The following EPHA3 variants were observed in gnomAD, a reference collection of about 807,000 sequenced individuals.
The protein encoded by EPHA3 is ephrin type-A receptor 3.
In EPHA3, 42 loss-of-function variants were observed where a neutral mutation model predicts 107.1. The ratio of observed to expected loss-of-function variants is 0.39; its 90% CI spans 0.31 to 0.51. EPHA3 has a LOEUF of 0.51. EPHA3 is among the 20% of genes least tolerant of loss of function. The pLI is 0.78. For missense variants in EPHA3, 1,183 were observed against 1,211.2 expected (o/e 0.98, Z 0.35); for synonymous variants, 461 against 424.8 (o/e 1.09, Z -1.05).
intron 3 of EPHA3, among the ~76,000 whole-genome samples, chr3:89,279,305 C>T (rs774628763): frequency 5.9e-5 from 9 of 152,042 alleles, no homozygotes; most frequent in Non-Finnish European, 1.2e-4. Context: ...TTGACACACT[C>T]TGTTTACCAT....
At position 89,127,216 on chromosome 3, in the gene EPHA3, A is replaced by G; in HGVS notation, c.96A>G (p.Leu32=). The change falls in exon 2 of 17, where the codon CTA becomes CTG. Residue 32 remains leucine, a synonymous_variant. Coordinates refer to ENST00000336596, the MANE Select transcript of EPHA3 (RefSeq NM_005233.6). The part of the protein sequence containing the change: ...LIPQPSNEVN[L]LDSKTIQGEL... Reference sequence around the variant, plus strand: ...TATTATGTTTTATTTTAGTCAATCTACTGGATTCAAAAACAATTCAAGGGG... The same window carrying G: ...TATTATGTTTTATTTTAGTCAATCTGCTGGATTCAAAAACAATTCAAGGGG... The G allele has an allele frequency of 6.2e-7, 1 of 1,611,624 alleles. No individual in the cohort carries two copies. Among genetic ancestry groups the G allele is most frequent in the Non-Finnish European group, 8.5e-7 (1 of 1,178,038 alleles).
chr3:89,236,775 AT>A lies in EPHA3; in HGVS notation c.814+26262del, dbSNP rs930101926. Among the ~76,000 whole-genome samples the A allele has an allele frequency of 1.5e-3, 229 of 152,312 alleles. 1 individual carries two copies. Among genetic ancestry groups the A allele is most frequent in the Non-Finnish European group, 1.1e-3 (74 of 68,022 alleles). On this transcript the variant is annotated intron_variant, in intron 3 of 16. Coordinates refer to ENST00000336596, the MANE Select transcript of EPHA3 (RefSeq NM_005233.6). ...CCTTAAATTCACATCTATAATAGTA[AT>A]TTTTTTAAATAAAATTAAAGAAAGC...
At position 89,181,716 on chromosome 3, in the gene EPHA3, T is replaced by A. The variant is rs190326058; in HGVS notation, c.154-28144T>A. 1.1e-3 allele frequency among the ~76,000 whole-genome samples: 165 copies of A among 152,080 alleles called. 2 individuals carry two copies. Among genetic ancestry groups the A allele is most frequent in the Non-Finnish European group, 1.8e-3 (121 of 67,882 alleles). ...GGGTATAGGGTATTTTTGAAATACC[T>A]TGTTCAAAAACTAACAACTTTAAGA... is the stretch of plus-strand genomic sequence containing the variant. On this transcript the variant is annotated intron_variant, in intron 2 of 16. Transcript: ENST00000336596.
At chr3:89,328,381 T>A (rs1358742955) in intron 3 of EPHA3, among the ~76,000 whole-genome samples, 1 of 152,198 alleles carries the variant, frequency 6.6e-6, no homozygotes, top group Non-Finnish European at 1.5e-5. Context: ...TAATAAAGTT[T>A]CTTTGCATCA....
intron 11 of EPHA3, among the ~76,000 whole-genome samples, chr3:89,420,163 G>A (rs1465184921): frequency 6.6e-6 from 1 of 151,446 alleles, no homozygotes; most frequent in Non-Finnish European, 1.5e-5. Context: ...AGTGAAATTG[G>A]CAGCAAACTT....
At chr3:89,308,026 C>T (rs375596441) in intron 3 of EPHA3, among the ~76,000 whole-genome samples, 12 of 152,174 alleles carry the variant, frequency 7.9e-5, no homozygotes, top group South Asian at 4.1e-4. Context: ...AATCATTAAA[C>T]GCATAGTGAT....
intron 3 of EPHA3, among the ~76,000 whole-genome samples, chr3:89,317,263 CTAGGTTTAT>C (rs2107372543): frequency 6.6e-6 from 1 of 151,846 alleles, no homozygotes; most frequent in Admixed American, 6.6e-5. Context: ...GATAAACTCA[CTAGGTTTAT>C]CAGCTAGCAG....
chr3:89,160,811 G>C (rs1576193982), intron 2 of EPHA3, among the ~76,000 whole-genome samples: 1 of 152,086 alleles, frequency 6.6e-6, no homozygotes, highest in South Asian at 2.1e-4. Context: ...AGCTTACAAA[G>C]TTGCTACTGT....
At chr3:89,420,772 G>A (rs1291819447) in intron 11 of EPHA3, among the ~76,000 whole-genome samples, 1 of 151,252 alleles carries the variant, frequency 6.6e-6, no homozygotes, top group Non-Finnish European at 1.5e-5. Context: ...TCAAGTGGTG[G>A]TTGCCTTTTA....
intron 2 of EPHA3, among the ~76,000 whole-genome samples, chr3:89,133,747 G>A (rs1704253749): frequency 6.6e-6 from 1 of 152,112 alleles, no homozygotes; most frequent in Admixed American, 6.5e-5. Flanking sequence ...AGTTTTCGAT[G>A]CCTCTCATCA....
intron 15 of EPHA3, among the ~76,000 whole-genome samples, chr3:89,468,297 A>G (rs1710330185): frequency 6.6e-6 from 1 of 152,034 alleles, no homozygotes; most frequent in Non-Finnish European, 1.5e-5. Context: ...AGTCATAAAC[A>G]GACAAACTCA....
chr3:89,467,647 A>G (rs1710312967), intron 15 of EPHA3, among the ~76,000 whole-genome samples: 1 of 152,048 alleles, frequency 6.6e-6, no homozygotes, highest in African/African-American at 2.4e-5. Context: ...GCACCTATTT[A>G]CAGCTAAAAT....
intron 3 of EPHA3, among the ~76,000 whole-genome samples, chr3:89,280,789 C>A (rs1705926536): frequency 1.3e-5 from 2 of 152,026 alleles, no homozygotes; most frequent in African/African-American, 4.8e-5. Flanking sequence ...CTATATCTTG[C>A]TATCTATGAG....
intron 3 of EPHA3, among the ~76,000 whole-genome samples, chr3:89,224,741 C>T (rs746065743): frequency 2.6e-5 from 4 of 151,760 alleles, no homozygotes; most frequent in Non-Finnish European, 4.4e-5. Context: ...CCCAGCTACT[C>T]GGGAGGCTGA....
chr3:89,378,452 G>C (rs1367394363), intron 5 of EPHA3, among the ~76,000 whole-genome samples: 1 of 151,920 alleles, frequency 6.6e-6, no homozygotes, highest in Non-Finnish European at 1.5e-5. Context: ...TATTTTTCGT[G>C]TCAATTCTAA....
rs60237041 is a variant in EPHA3 at position 89,476,585 on chromosome 3, T to TTTTATTTATTTA, written c.2847-2791_2847-2780dup. ...ATTTACTTTCCATGACTATTATTAT[T>TTTTATTTATTTA]TTTATTTATTTATTTATTTATTTAT... On this transcript the variant is annotated intron_variant, in intron 16 of 16. Transcript: ENST00000336596. Among the ~76,000 whole-genome samples, 487 of 129,068 alleles carry TTTTATTTATTTA rather than the reference T, an allele frequency of 3.8e-3. 2 individuals carry two copies. The highest frequency in any genetic ancestry group is 0.013 in the African/African-American group (446 of 35,548). 84.7% of individuals were successfully genotyped at this position (129,068 alleles called of 152,430 possible). A position where few individuals can be genotyped will look rare whatever the true frequency, so the allele number is the denominator to read the frequency against.
intron 3 of EPHA3, among the ~76,000 whole-genome samples, chr3:89,310,572 T>C (rs573456265): frequency 1.3e-5 from 2 of 151,970 alleles, no homozygotes; most frequent in Admixed American, 1.3e-4. Context: ...ATACCTTACC[T>C]ATTCACCTCT....
intron 2 of EPHA3, among the ~76,000 whole-genome samples, chr3:89,131,825 C>T (rs1278479155): frequency 1.3e-5 from 2 of 152,186 alleles, no homozygotes; most frequent in Non-Finnish European, 2.9e-5. Context: ...AAGGAAAACA[C>T]TCTTTTGGCA....
chr3:89,417,182 A>G (rs889564934), intron 10 of EPHA3, among the ~76,000 whole-genome samples: 2 of 151,462 alleles, frequency 1.3e-5, no homozygotes, highest in Non-Finnish European at 3.0e-5. Flanking sequence ...TATGAGGTAG[A>G]TACAATAAGT....
Sources: gnomAD v4.1 joint callset for allele counts (sites outside exome capture counted in the v4.1 genomes callset) on GRCh38, gnomAD v4.1.1 for gene constraint, MANE v1.5 for transcripts, NCBI Gene and HGNC (gene_info 2026-07-23, HGNC 2026-07-21) for gene names.